Variants in DAB1 observed in about 807,000 individuals in gnomAD.
The protein encoded by DAB1 is DAB adaptor protein 1.
A neutral mutation model predicts 64.6 loss-of-function variants in DAB1; 15 were observed. The ratio of observed to expected loss-of-function variants is 0.23; its 90% CI spans 0.16 to 0.36. The LOEUF (loss-of-function observed/expected upper bound fraction) is 0.36, where lower values mean the gene tolerates loss of function less well. Among genes scored for constraint, DAB1 ranks in the 10% least tolerant of loss-of-function variants. The pLI, the probability that DAB1 is intolerant of heterozygous loss-of-function variation, is 1.00. For missense variants in DAB1, 596 were observed against 706.7 expected, an observed-to-expected ratio of 0.84 and a Z score of 1.78; for synonymous variants, 235 against 251.9, an observed-to-expected ratio of 0.93 and a Z score of 0.64.
At chr1:58,257,106 C>T (rs970571457) in intron 4 of DAB1, among the ~76,000 whole-genome samples, 5 of 152,058 alleles carry the variant, frequency 3.3e-5, no homozygotes, top group Non-Finnish European at 5.9e-5. Flanking sequence ...TCCATTTAAC[C>T]CTTCCTTCTT....
chr1:57,390,859 GA>G (rs1682290488), intron 1 of DAB1, among the ~76,000 whole-genome samples: 1 of 152,126 alleles, frequency 6.6e-6, no homozygotes. Context: ...TTCTAAGGTG[GA>G]AATCTGCTTT....
chr1:57,084,839 G>GT (rs1652903575), intron 4 of DAB1, among the ~76,000 whole-genome samples: 1 of 152,182 alleles, frequency 6.6e-6, no homozygotes, highest in Non-Finnish European at 1.5e-5. Flanking sequence ...ATTTAGTGCT[G>GT]TGCAGCAGTC....
At chr1:57,145,591 C>A (rs1659045735) in intron 2 of DAB1, among the ~76,000 whole-genome samples, 162 bp from the exon 3 acceptor site, 1 of 152,210 alleles carries the variant, frequency 6.6e-6, no homozygotes. Context: ...AATGTAAATT[C>A]TGACTCCATC....
chr1:57,654,372 G>A (rs561174878), intron 6 of DAB1, among the ~76,000 whole-genome samples: 2 of 152,286 alleles, frequency 1.3e-5, no homozygotes, highest in Admixed American at 6.5e-5. Flanking sequence ...ACCAGAAGGC[G>A]ACATTTAGTA....
intron 3 of DAB1, among the ~76,000 whole-genome samples, chr1:58,455,890 T>C (rs1645188709): frequency 6.6e-6 from 1 of 152,116 alleles, no homozygotes; most frequent in African/African-American, 2.4e-5. Context: ...CAGAAAAATG[T>C]CCCCAAAGGG....
At chr1:57,151,817 T>A (rs1659698330) in intron 2 of DAB1, among the ~76,000 whole-genome samples, 1 of 143,242 alleles carries the variant, frequency 7.0e-6, no homozygotes, top group Admixed American at 6.9e-5. Flanking sequence ...ATTTTTTTTT[T>A]TTTTTTTTTT....
intron 5 of DAB1, among the ~76,000 whole-genome samples, chr1:58,017,585 T>A (rs1050505007): frequency 6.6e-6 from 1 of 152,106 alleles, no homozygotes; most frequent in Non-Finnish European, 1.5e-5. Flanking sequence ...CAGATCTGGG[T>A]TCAAATTCTG....
intron 4 of DAB1, among the ~76,000 whole-genome samples, chr1:57,133,155 G>A (rs1657780510): frequency 6.6e-6 from 1 of 152,168 alleles, no homozygotes; most frequent in African/African-American, 2.4e-5. Flanking sequence ...AAATGAATAA[G>A]CAAAATTCAC....
At chr1:57,982,816 C>G (rs1038666174) in intron 5 of DAB1, among the ~76,000 whole-genome samples, 1 of 152,180 alleles carries the variant, frequency 6.6e-6, no homozygotes, top group Non-Finnish European at 1.5e-5. Flanking sequence ...TGGGGAAATA[C>G]GTAAGATGAT....
chr1:57,918,697 A>G lies in DAB1; in HGVS notation n.388-34535T>C, dbSNP rs566180406. Reference sequence around the variant, plus strand: ...AAATTAGCCGGGCATGGTGGCGGGCACCTGTAGTCCCAGCTACTTGGCAGA... The same window carrying G: ...AAATTAGCCGGGCATGGTGGCGGGCGCCTGTAGTCCCAGCTACTTGGCAGA... On this transcript the variant is annotated intron_variant and non_coding_transcript_variant, in intron 5 of 20. Transcript: ENST00000485760. 2.4e-4 allele frequency among the ~76,000 whole-genome samples: 36 copies of G among 152,136 alleles called. No homozygotes were observed. The East Asian group carries it at 2.7e-3, about 11-fold the overall frequency.
chr1:57,587,417 T>C (rs1645393506), intron 7 of DAB1, among the ~76,000 whole-genome samples: 3 of 152,228 alleles, frequency 2.0e-5, no homozygotes, highest in Admixed American at 6.5e-5. Flanking sequence ...CACAGATTGC[T>C]GTGGGATTAC....
chr1:57,303,679 A>T (rs1324891581), intron 1 of DAB1, among the ~76,000 whole-genome samples: 5 of 152,112 alleles, frequency 3.3e-5, no homozygotes, highest in Non-Finnish European at 7.3e-5. Context: ...AAACAAAAAA[A>T]AACAGATAAT....
intron 6 of DAB1, among the ~76,000 whole-genome samples, chr1:57,772,829 G>C (rs1277529567): frequency 6.6e-6 from 1 of 152,020 alleles, no homozygotes; most frequent in South Asian, 2.1e-4. Flanking sequence ...AACTCCCAGT[G>C]ACCTTATTTG....
chr1:57,508,681 G>T (rs1305713329), intron 7 of DAB1, among the ~76,000 whole-genome samples: 3 of 152,186 alleles, frequency 2.0e-5, no homozygotes, highest in Non-Finnish European at 2.9e-5. Flanking sequence ...AAAACAGGCA[G>T]GTAGTGGGAT....
chr1:57,102,928 A>C (rs191614811), intron 4 of DAB1, among the ~76,000 whole-genome samples: 13 of 152,274 alleles, frequency 8.5e-5, no homozygotes, highest in Admixed American at 3.3e-4. Context: ...CAAGAAGCTG[A>C]AAGTGACCAA....
intron 6 of DAB1, among the ~76,000 whole-genome samples, chr1:57,773,653 A>G (rs942364117): frequency 1.2e-4 from 18 of 152,008 alleles, no homozygotes; most frequent in African/African-American, 4.1e-4. Context: ...ATGTTTGTGT[A>G]TACTATCCAT....
intron 1 of DAB1, among the ~76,000 whole-genome samples, chr1:57,392,111 C>T (rs910463394): frequency 8.5e-5 from 13 of 152,264 alleles, no homozygotes; most frequent in African/African-American, 2.4e-4. Flanking sequence ...CAGTGGCTCA[C>T]GGCTATAATC....
At chr1:57,289,973 A>G (rs1054107659) in intron 2 of DAB1, among the ~76,000 whole-genome samples, 7 of 152,240 alleles carry the variant, frequency 4.6e-5, no homozygotes, top group African/African-American at 1.7e-4. Flanking sequence ...TGACAGAATT[A>G]CTTTATCATC....
Position 57,008,459 on chromosome 1 carries a change from G to T in DAB1, c.*15+2221C>A, listed in dbSNP as rs188216110. On this transcript the variant is annotated intron_variant, in intron 14 of 14. Coordinates refer to ENST00000371236, the MANE Select transcript of DAB1 (RefSeq NM_001365792.1). ...ATGATGATGGTGATGGTGATGATGA[G>T]GGTAGCTAGCATCTATTAGGTGCTT... Among the ~76,000 whole-genome samples, 187 of 152,232 alleles carry T rather than the reference G, an allele frequency of 1.2e-3. 1 individual carries two copies. Among genetic ancestry groups the T allele is most frequent in the African/African-American group, 4.2e-3 (176 of 41,534 alleles).
Sources: allele counts gnomAD v4.1 joint callset (sites outside exome capture counted in the v4.1 genomes callset), GRCh38; gene constraint gnomAD v4.1.1; transcripts MANE v1.5; gene names NCBI Gene and HGNC (gene_info 2026-07-23, HGNC 2026-07-21).